The following RREB1 variants were observed in gnomAD, a reference collection of about 807,000 sequenced individuals.
RREB1 encodes the protein ras responsive element binding protein 1.
RREB1 carries 27 observed loss-of-function variants against 117.8 expected under a neutral mutation model. The ratio of observed to expected loss-of-function variants is 0.23; its 90% CI spans 0.17 to 0.32. The LOEUF (loss-of-function observed/expected upper bound fraction) is 0.32. Ranked by LOEUF, RREB1 falls within the 10% of genes least tolerant of loss-of-function variation. RREB1 has a pLI of 1.00. For missense variants in RREB1, 2,577 were observed against 2,378.2 expected, an observed-to-expected ratio of 1.08 and a Z score of -1.74; for synonymous variants, 1,298 against 1,026.7, an observed-to-expected ratio of 1.26 and a Z score of -5.05.
intron 8 of RREB1, chr6:7,215,142 A>G (rs1275516309): frequency 2.6e-5 from 4 of 152,542 alleles, no homozygotes; most frequent in Admixed American, 6.5e-5. Context: ...GGAGTGTTCA[A>G]GAGAGCAGGC....
intron 1 of RREB1, among the ~76,000 whole-genome samples, chr6:7,128,950 C>T (rs1405532946): frequency 6.6e-6 from 1 of 152,178 alleles, no homozygotes; most frequent in Non-Finnish European, 1.5e-5. Flanking sequence ...GCTTGGGCAA[C>T]AGAGTGAGAC....
At chr6:7,242,274 G>A (rs1399193981) in intron 11 of RREB1, among the ~76,000 whole-genome samples, 1 of 152,176 alleles carries the variant, frequency 6.6e-6, no homozygotes, top group Non-Finnish European at 1.5e-5. Context: ...CAGACACAAA[G>A]CTGAGTCGGA....
At chr6:7,195,232 ATAC>A (rs1281573387) in intron 6 of RREB1, among the ~76,000 whole-genome samples, 71 of 152,370 alleles carry the variant, frequency 4.7e-4, no homozygotes, top group African/African-American at 1.7e-3. Flanking sequence ...AGGGATTATC[ATAC>A]TACATTTATT....
At position 7,189,322 on chromosome 6, in the gene RREB1, G is replaced by A; in HGVS notation, c.425G>A (p.Arg142Lys). 1 of 1,576,186 alleles carries A rather than the reference G, an allele frequency of 6.3e-7. No homozygotes were observed. The highest frequency in any genetic ancestry group is 8.6e-7 in the Non-Finnish European group (1 of 1,158,612). ...TTTACCACCAATGGGAACATGCACA[G>A]GTGGGTGAGGGCGCCCTTTGCTTGG... ...QSFTTNGNMH[R>K]HMKIHEKDPN... is the part of the protein sequence containing the mutation. Residue 142 changes from arginine (R) to lysine (K), a missense_variant and splice_region_variant, in exon 6 of 13, where the codon AGA becomes AAA. Coordinates refer to ENST00000379938, the MANE Select transcript of RREB1 (RefSeq NM_001003699.4).
intron 11 of RREB1, among the ~76,000 whole-genome samples, chr6:7,242,722 C>T (rs1768793032): frequency 6.9e-6 from 1 of 144,908 alleles, no homozygotes; most frequent in Non-Finnish European, 1.5e-5. Context: ...AAGGAAATGA[C>T]CAAGGAGGTC....
chr6:7,226,671 C>G lies in RREB1; in HGVS notation c.897+15C>G. On this transcript the variant is annotated intron_variant, in intron 9 of 12. Transcript: ENST00000379938. ...GCATTTCTCAGGTATTCTGATCAGC[C>G]CATGGAAGCAACCAGCAACTGCCTT... 6.2e-7 allele frequency: 1 copy of G among 1,605,168 alleles called. No homozygotes were observed. Among genetic ancestry groups the G allele is most frequent in the Non-Finnish European group, 8.5e-7 (1 of 1,173,766 alleles).
intron 1 of RREB1, among the ~76,000 whole-genome samples, chr6:7,168,583 T>G (rs1764070745): frequency 6.6e-6 from 1 of 152,228 alleles, no homozygotes; most frequent in African/African-American, 2.4e-5. Flanking sequence ...TTCAAAGCTC[T>G]GGTTTAAAGA....
intron 6 of RREB1, among the ~76,000 whole-genome samples, chr6:7,199,618 A>T (rs1313192093): frequency 4.6e-5 from 7 of 151,824 alleles, no homozygotes. Flanking sequence ...GTTTACATAT[A>T]TATGTGTGTG....
chr6:7,131,290 C>A (rs937366984), intron 1 of RREB1, among the ~76,000 whole-genome samples: 2 of 152,138 alleles, frequency 1.3e-5, no homozygotes, highest in East Asian at 1.9e-4. Context: ...GCTTTCTGTG[C>A]ATTATCTTCA....
Position 7,230,431 on chromosome 6 carries a change from C to G in RREB1, c.2332C>G (p.Arg778Gly), listed in dbSNP as rs755032870. 5 of 1,591,122 alleles carry G rather than the reference C, an allele frequency of 3.1e-6. No individual in the cohort carries two copies. The highest frequency in any genetic ancestry group is 1.3e-5 in the African/African-American group (1 of 74,702). The change falls in exon 10 of 13, where the codon CGC (arginine) becomes GGC (glycine). Residue 778 changes from arginine to glycine, a missense_variant. Coordinates refer to ENST00000379938, the MANE Select transcript of RREB1 (RefSeq NM_001003699.4). ...LRIHMRTHCG[R>G]GLGGGHKGRK... is the part of the protein sequence containing the mutation. ...CATCCACATGCGCACGCACTGCGGC[C>G]GCGGCCTGGGCGGGGGCCACAAGGG...
intron 3 of RREB1, chr6:7,181,648 CACTCAG>C (rs1225346819): frequency 1.7e-6 from 1 of 600,372 alleles, no homozygotes; most frequent in African/African-American, 1.9e-5. Flanking sequence ...TGGTAGTGCA[CACTCAG>C]AAAGGAGGCA....
chr6:7,141,953 C>G (rs1421064939), intron 1 of RREB1, among the ~76,000 whole-genome samples: 1 of 152,188 alleles, frequency 6.6e-6, no homozygotes, highest in Non-Finnish European at 1.5e-5. Context: ...GGCTCACGCT[C>G]GTAATTCCAG....
chr6:7,171,649 G>A (rs1417162006), intron 1 of RREB1, among the ~76,000 whole-genome samples: 2 of 152,216 alleles, frequency 1.3e-5, no homozygotes, highest in African/African-American at 4.8e-5. Flanking sequence ...ATGAGACAGT[G>A]CATGTGGCAC....
chr6:7,132,227 G>T (rs1006603269), intron 1 of RREB1, among the ~76,000 whole-genome samples: 1 of 151,640 alleles, frequency 6.6e-6, no homozygotes, highest in Admixed American at 6.6e-5. Context: ...GCCAATTTTT[G>T]TATTTTTAGT....
At chr6:7,238,265 AGTCT>A (rs747637813) in intron 10 of RREB1, among the ~76,000 whole-genome samples, 29 of 152,318 alleles carry the variant, frequency 1.9e-4, no homozygotes, top group Non-Finnish European at 2.8e-4. Flanking sequence ...TTTGAGACAG[AGTCT>A]GTCTGTCGCC....
In RREB1 at chr6:7,251,489, C is replaced by CTTGTTTT. The variant is rs747198771; in HGVS notation, c.*2523_*2524insGTTTTTT. 3.9e-4 allele frequency: 47 copies of CTTGTTTT among 121,340 alleles called. No individual in the cohort carries two copies. The highest frequency in any genetic ancestry group is 1.4e-3 in the African/African-American group (44 of 31,460). The allele number at this position is 121,340 out of a possible 1,614,324, so 7.5% of individuals were successfully genotyped here. A position where few individuals can be genotyped will look rare whatever the true frequency, so the allele number is the denominator to read the frequency against. On this transcript the variant is annotated 3_prime_UTR_variant, in exon 13 of 13. Transcript: ENST00000379938. ...GTTTTTTGAGGTGCAAGTTTTTTCT[C>CTTGTTTT]TTTTTTTTTTTTTTTTTTTTTTCTC...
At position 7,162,763 on chromosome 6, in the gene RREB1, A is replaced by G. The variant is rs146618317; in HGVS notation, c.-284-13892A>G. Among the ~76,000 whole-genome samples, 4 of 152,288 alleles carry G rather than the reference A, an allele frequency of 2.6e-5. No homozygotes were observed. In the East Asian group the frequency reaches 5.8e-4, roughly 22 times the overall value. On this transcript the variant is annotated intron_variant, in intron 1 of 12. Coordinates refer to ENST00000379938, the MANE Select transcript of RREB1 (RefSeq NM_001003699.4). ...TGCCTACGGATTGGATACACTCTGA[A>G]AGCAGCAAGGATGGGCCTACAACTC... is the stretch of plus-strand genomic sequence containing the variant.
chr6:7,165,387 C>T (rs993635150), intron 1 of RREB1, among the ~76,000 whole-genome samples: 36 of 152,160 alleles, frequency 2.4e-4, no homozygotes, highest in African/African-American at 7.7e-4. Flanking sequence ...ATGAAGGTGC[C>T]TTTGTCACAT....
At chr6:7,221,232 A>G (rs1233725452) in intron 8 of RREB1, among the ~76,000 whole-genome samples, 2 of 151,276 alleles carry the variant, frequency 1.3e-5, no homozygotes, top group African/African-American at 2.4e-5. Flanking sequence ...GCAGTGGCGC[A>G]ATCTCGGCTC....
Sources: gnomAD v4.1 joint callset for allele counts (sites outside exome capture counted in the v4.1 genomes callset) on GRCh38, gnomAD v4.1.1 for gene constraint, MANE v1.5 for transcripts, NCBI Gene and HGNC (gene_info 2026-07-23, HGNC 2026-07-21) for gene names.